The following CNNM2 variants were observed in gnomAD, a reference collection of about 807,000 sequenced individuals.
CNNM2 encodes cyclin and CBS domain divalent metal cation transport mediator 2, also known as metal transporter CNNM2.
A neutral mutation model predicts 66.9 loss-of-function variants in CNNM2; 12 were observed. The ratio of observed to expected loss-of-function variants is 0.18; its 90% CI spans 0.11 to 0.29. The LOEUF (loss-of-function observed/expected upper bound fraction) is 0.29. CNNM2 is among the 10% of genes least tolerant of loss of function. CNNM2 has a pLI of 1.00. For synonymous variants in CNNM2, 557 were observed against 501.8 expected (o/e 1.11, Z -1.47); for missense variants, 705 against 1,167.7 (o/e 0.60, Z 5.77).
chr10:103,054,526 A>G lies in CNNM2; in HGVS notation c.1903+60A>G. 16 of 1,572,466 alleles carry G rather than the reference A, an allele frequency of 1.0e-5. No individual in the cohort carries two copies. Among genetic ancestry groups the G allele is most frequent in the Non-Finnish European group, 1.4e-5 (16 of 1,153,018 alleles). On this transcript the variant is annotated intron_variant, in intron 3 of 7. Transcript: ENST00000369878. This position sits in a 1 kb window ranked among gnomAD's most constrained non-coding sequence, Gnocchi z 5.2. ...CAACCCTGAAGCGTGTTTCTCACCC[A>G]CCACTGACTGGGGTGGGTTGGGGGT...
At chr10:103,033,135 GA>G (rs2064862174) in intron 1 of CNNM2, among the ~76,000 whole-genome samples, 1 of 150,098 alleles carries the variant, frequency 6.7e-6, no homozygotes, top group Non-Finnish European at 1.5e-5. Flanking sequence ...AAAAAGAAAA[GA>G]AAAACAGAAA....
chr10:103,041,813 T>A (rs1239571934), intron 1 of CNNM2, among the ~76,000 whole-genome samples: 1 of 152,150 alleles, frequency 6.6e-6, no homozygotes, highest in Non-Finnish European at 1.5e-5. Flanking sequence ...CTGGCCACTC[T>A]TTCTCAAGTC....
intron 1 of CNNM2, among the ~76,000 whole-genome samples, chr10:102,928,385 A>T (rs1430406724): frequency 2.0e-5 from 3 of 152,064 alleles, no homozygotes; most frequent in African/African-American, 7.2e-5. Flanking sequence ...TAAGATCACC[A>T]GCCTGGCCAA....
intron 1 of CNNM2, among the ~76,000 whole-genome samples, chr10:103,019,268 CAA>C (rs545630160): frequency 6.0e-4 from 38 of 63,502 alleles, no homozygotes; most frequent in Admixed American, 7.2e-4. Context: ...GACCCTGTCT[CAA>C]AAAAAAAAAA....
At position 103,089,868 on chromosome 10, in the gene CNNM2, A is replaced by G. The variant is rs767007558; in HGVS notation, c.*12688A>G. The G allele has an allele frequency of 1.9e-6, 3 of 1,613,672 alleles. No homozygotes were observed. The highest frequency in any genetic ancestry group is 1.7e-4 in the Middle Eastern group (1 of 6,060). On this transcript the variant is annotated 3_prime_UTR_variant, in exon 8 of 8. Transcript: ENST00000369878. ...GGCAAGAGGAGACTCCATCTCATTG[A>G]TATCTACGTGTGTGTGCTCCACCGT...
At chr10:103,045,192 G>A (rs950642842) in intron 1 of CNNM2, among the ~76,000 whole-genome samples, 6 of 152,218 alleles carry the variant, frequency 3.9e-5, no homozygotes, top group African/African-American at 9.6e-5. Flanking sequence ...ACCGGACCAA[G>A]TGGATGAGAT....
At chr10:102,986,477 TA>T (rs998071014) in intron 1 of CNNM2, among the ~76,000 whole-genome samples, 1 of 152,136 alleles carries the variant, frequency 6.6e-6, no homozygotes, top group Non-Finnish European at 1.5e-5. Context: ...TTCCAAAAAG[TA>T]GAGCCATTTG....
At chr10:103,075,705 TC>T (rs2065678463) in intron 6 of CNNM2, among the ~76,000 whole-genome samples, 1 of 152,214 alleles carries the variant, frequency 6.6e-6, no homozygotes, top group Non-Finnish European at 1.5e-5. Flanking sequence ...TGAAGTGCTG[TC>T]CTCTGCGTAG....
At chr10:103,017,458 C>T (rs866422715) in intron 1 of CNNM2, among the ~76,000 whole-genome samples, 16 of 152,160 alleles carry the variant, frequency 1.1e-4, no homozygotes, top group African/African-American at 3.9e-4. Flanking sequence ...GTATGTATGG[C>T]AGAGAAAGGG....
chr10:102,969,611 C>G (rs993446420), intron 1 of CNNM2, among the ~76,000 whole-genome samples: 11 of 152,092 alleles, frequency 7.2e-5, no homozygotes, highest in African/African-American at 2.7e-4. Flanking sequence ...AAACACTACT[C>G]TATAATAGCG....
rs566492962 is a variant in CNNM2, at chr10:102,941,998, T to G, written c.1621+21897T>G. Among the ~76,000 whole-genome samples, 3 of 152,330 alleles carry G rather than the reference T, an allele frequency of 2.0e-5. No homozygotes were observed. The South Asian group carries it at 6.2e-4, about 32-fold the overall frequency. On this transcript the variant is annotated intron_variant, in intron 1 of 7. Transcript: ENST00000369878. ...TGCTACTGATGGTAGTGTTAATTTG[T>G]ATAATCTTCCTAGGAAGCCATTTGG...
intron 4 of CNNM2, among the ~76,000 whole-genome samples, chr10:103,057,836 C>T (rs2065320799): frequency 6.6e-6 from 1 of 152,184 alleles, no homozygotes; most frequent in Non-Finnish European, 1.5e-5. Flanking sequence ...CTCACTGTAA[C>T]ATAATTCAGT....
chr10:102,956,885 C>T (rs561152439), intron 1 of CNNM2, among the ~76,000 whole-genome samples: 3 of 152,156 alleles, frequency 2.0e-5, no homozygotes, highest in South Asian at 2.1e-4. Context: ...CTAATGTAAA[C>T]GACGAGTTAA....
chr10:102,974,633 A>G (rs2063596465), intron 1 of CNNM2, among the ~76,000 whole-genome samples: 1 of 151,808 alleles, frequency 6.6e-6, no homozygotes, highest in African/African-American at 2.4e-5. Context: ...GTGCAGTGGT[A>G]TGATCACAGC....
intron 2 of CNNM2, among the ~76,000 whole-genome samples, chr10:103,052,885 C>A (rs1030716502): frequency 2.0e-5 from 3 of 152,176 alleles, no homozygotes; most frequent in Non-Finnish European, 4.4e-5. Flanking sequence ...TTTTTAAATT[C>A]TGTATTGATT....
chr10:103,063,511 C>A (rs1399612030), intron 4 of CNNM2, among the ~76,000 whole-genome samples: 1 of 152,210 alleles, frequency 6.6e-6, no homozygotes, highest in East Asian at 1.9e-4. Flanking sequence ...GTGGTTGTGC[C>A]CACGCTGGCT....
intron 1 of CNNM2, among the ~76,000 whole-genome samples, chr10:103,047,199 G>A (rs2065140802): frequency 1.3e-5 from 2 of 152,162 alleles, no homozygotes; most frequent in South Asian, 4.1e-4. Context: ...ACCAAGTGAT[G>A]AAAAAGGTGA....
At position 102,967,478 on chromosome 10, in the gene CNNM2, C is replaced by G. The variant is rs544941777; in HGVS notation, c.1621+47377C>G. ...TGGCAAACACTGTTATGCTTTCTGTCTCTATAGATTTGACTTTTCTAGAAA... is the reference window on the plus strand; with the variant it reads ...TGGCAAACACTGTTATGCTTTCTGTGTCTATAGATTTGACTTTTCTAGAAA... On this transcript the variant is annotated intron_variant, in intron 1 of 7. Transcript: ENST00000369878. Among the ~76,000 whole-genome samples the G allele has an allele frequency of 3.3e-5, 5 of 152,320 alleles. No homozygotes were observed. The East Asian group carries it at 9.6e-4, about 29-fold the overall frequency.
chr10:102,989,574 G>A (rs1191515444), intron 1 of CNNM2, among the ~76,000 whole-genome samples: 2 of 151,944 alleles, frequency 1.3e-5, no homozygotes, highest in East Asian at 1.9e-4. Context: ...AGGCTGAGGC[G>A]GGCGGATCAC....
Sources: gnomAD v4.1 joint callset for allele counts (sites outside exome capture counted in the v4.1 genomes callset) on GRCh38, gnomAD v4.1.1 for gene constraint, Gnocchi (gnomAD v3.1) non-coding constraint, MANE v1.5 for transcripts, NCBI Gene and HGNC (gene_info 2026-07-23, HGNC 2026-07-21) for gene names.